The following SUMF1 variants were observed in gnomAD, a reference collection of about 807,000 sequenced individuals.
The protein encoded by SUMF1 is formylglycine-generating enzyme.
In SUMF1, 48 loss-of-function variants were observed where a neutral mutation model predicts 47.6. The observed-to-expected ratio is 1.01, with a 90% CI of 0.80 to 1.28. The LOEUF (loss-of-function observed/expected upper bound fraction) is 1.28, where lower values mean the gene tolerates loss of function less well. Among genes scored for constraint, SUMF1 ranks in the 50% most tolerant of loss-of-function variants. SUMF1 has a pLI of 0.00. For synonymous variants in SUMF1, 230 were observed against 192.1 expected, an observed-to-expected ratio of 1.20 and a Z score of -1.63; for missense variants, 571 against 485.4, an observed-to-expected ratio of 1.18 and a Z score of -1.66.
chr3:4,366,203 G>A (rs1182543201), intron 8 of SUMF1, among the ~76,000 whole-genome samples: 1 of 151,752 alleles, frequency 6.6e-6, no homozygotes, highest in Non-Finnish European at 1.5e-5. Context: ...TCTTGGAGTT[G>A]CTCTTCTCGA....
At chr3:4,121,913 G>A (rs1040089547) in intron 8 of SUMF1, among the ~76,000 whole-genome samples, 2 of 152,052 alleles carry the variant, frequency 1.3e-5, no homozygotes, top group African/African-American at 4.8e-5. Flanking sequence ...TCCCTTCTAT[G>A]TGTCCATGTG....
chr3:4,114,992 G>C (rs1693389154), intron 8 of SUMF1, among the ~76,000 whole-genome samples: 1 of 151,936 alleles, frequency 6.6e-6, no homozygotes, highest in South Asian at 2.1e-4. Context: ...ACGGAACTAG[G>C]TGAGGACAGG....
intron 8 of SUMF1, among the ~76,000 whole-genome samples, chr3:4,184,752 G>A (rs148482428): frequency 0.024 from 3,581 of 150,774 alleles, 246 homozygotes; most frequent in East Asian, 0.17. Context: ...GGGTTCAAGC[G>A]ATCCTCCTGC....
chr3:4,132,390 C>A (rs1693813203), intron 8 of SUMF1, among the ~76,000 whole-genome samples: 3 of 152,074 alleles, frequency 2.0e-5, no homozygotes, highest in South Asian at 4.1e-4. Context: ...TTTGAAGTCA[C>A]AATTACAATG....
At chr3:4,120,500 A>G (rs1484341245) in intron 8 of SUMF1, among the ~76,000 whole-genome samples, 1 of 152,150 alleles carries the variant, frequency 6.6e-6, no homozygotes, top group African/African-American at 2.4e-5. Flanking sequence ...TCTGACCTAA[A>G]ATACCATCTT....
At chr3:4,317,104 G>A (rs781494365) in intron 8 of SUMF1, 62 of 1,545,992 alleles carry the variant, frequency 4.0e-5, no homozygotes, top group Middle Eastern at 2.3e-4. Context: ...CAGGGAAAAC[G>A]CTTCCACAAC....
intron 8 of SUMF1, among the ~76,000 whole-genome samples, chr3:4,102,494 G>T (rs907318701): frequency 1.3e-5 from 2 of 152,120 alleles, no homozygotes; most frequent in East Asian, 3.9e-4. Flanking sequence ...TTAGTCAGTA[G>T]TGAGGGTAAA....
In SUMF1 at chr3:4,362,062, G is replaced by A; in HGVS notation, c.*82C>T. ...ACCTCAGGGTGGGAATTCTTTGCAT[G>A]GGATCGTTCAAAGTTCTGAGAAAAG... On this transcript the variant is annotated 3_prime_UTR_variant, in exon 9 of 9. Transcript: ENST00000272902. The A allele has an allele frequency of 7.4e-7, 1 of 1,355,400 alleles. No individual in the cohort carries two copies. Among genetic ancestry groups the A allele is most frequent in the Admixed American group, 1.7e-5 (1 of 57,796 alleles). 84.0% of individuals were successfully genotyped at this position (1,355,400 alleles called of 1,614,324 possible).
chr3:4,043,862 T>A (rs536044640), intron 9 of SUMF1, among the ~76,000 whole-genome samples: 1 of 152,232 alleles, frequency 6.6e-6, no homozygotes, highest in East Asian at 1.9e-4. Context: ...AGTTAAAAAA[T>A]TGACTACCCT....
chr3:4,311,887 G>A (rs1698419585), intron 8 of SUMF1, among the ~76,000 whole-genome samples: 1 of 152,216 alleles, frequency 6.6e-6, no homozygotes, highest in South Asian at 2.1e-4. Context: ...GGGTTCATGA[G>A]AGATACTTTA....
chr3:4,336,658 T>C (rs759198947), intron 8 of SUMF1, among the ~76,000 whole-genome samples: 4 of 152,244 alleles, frequency 2.6e-5, no homozygotes, highest in African/African-American at 9.6e-5. Flanking sequence ...GAAAAATATA[T>C]GATAATTTAT....
rs529250805 is a variant in SUMF1, at chr3:4,157,229, G to A, written c.1015-88484C>T. Among the ~76,000 whole-genome samples, 19 of 151,556 alleles carry A rather than the reference G, an allele frequency of 1.3e-4. 3 individuals are homozygous for A. Among genetic ancestry groups the A allele is most frequent in the African/African-American group, 3.7e-4 (15 of 40,920 alleles). On this transcript the variant is annotated intron_variant and NMD_transcript_variant, in intron 8 of 12. Coordinates refer to the SUMF1 transcript ENST00000448413. The stretch of plus-strand genomic sequence containing the variant: ...CCAATTCAGAATTCTTACTTCTCTA[G>A]CTCACTCACTGCTGGGCCAGTTTTT...
In SUMF1 at chr3:4,456,916, G is replaced by GTGTGTATATATA. The variant is rs1559312955; in HGVS notation, c.271-3868_271-3867insTATATATACACA. Among the ~76,000 whole-genome samples the GTGTGTATATATA allele has an allele frequency of 4.4e-4, 45 of 102,558 alleles. 3 individuals carry two copies. Among genetic ancestry groups the GTGTGTATATATA allele is most frequent in the Admixed American group, 9.7e-4 (9 of 9,238 alleles). 67.3% of individuals were successfully genotyped at this position (102,558 alleles called of 152,430 possible). On this transcript the variant is annotated intron_variant, in intron 1 of 8. Transcript: ENST00000272902. ...TATATGTGTGTGTATATCTATATAC[G>GTGTGTATATATA]TGTGTGTGTATATATATACGTGTGT...
chr3:4,105,665 C>T (rs1693141289), intron 8 of SUMF1, among the ~76,000 whole-genome samples: 2 of 152,098 alleles, frequency 1.3e-5, no homozygotes, highest in South Asian at 2.1e-4. Context: ...TCTGTCTCTT[C>T]ATTTGAATGT....
At chr3:4,050,678 G>A (rs554597533) in intron 9 of SUMF1, among the ~76,000 whole-genome samples, 1 of 149,874 alleles carries the variant, frequency 6.7e-6, no homozygotes, top group South Asian at 2.1e-4. Flanking sequence ...GGGAGGTGGA[G>A]GCTGCAGTGA....
At chr3:4,237,202 G>A (rs1256121406) in intron 8 of SUMF1, among the ~76,000 whole-genome samples, 1 of 152,070 alleles carries the variant, frequency 6.6e-6, no homozygotes. Context: ...ACAAGAAGCT[G>A]CCAAACTGTT....
At chr3:4,038,384 G>A (rs1051972662) in intron 9 of SUMF1, among the ~76,000 whole-genome samples, 2 of 152,152 alleles carry the variant, frequency 1.3e-5, no homozygotes, top group African/African-American at 4.8e-5. Flanking sequence ...ACTGCAGCTT[G>A]TTAGAGGTGT....
chr3:4,190,381 C>G lies in SUMF1; in HGVS notation c.1015-121636G>C, dbSNP rs186038798. On this transcript the variant is annotated intron_variant and NMD_transcript_variant, in intron 8 of 12. Transcript: ENST00000448413. ...CACATTACCACGTAGGCTTGCATTA[C>G]TATAAAGAGTACAGAAGCAAAAGAA... Among the ~76,000 whole-genome samples, 141 of 152,164 alleles carry G rather than the reference C, an allele frequency of 9.3e-4. 1 individual carries two copies. The highest frequency in any genetic ancestry group is 6.1e-3 in the Admixed American group (93 of 15,272).
intron 8 of SUMF1, among the ~76,000 whole-genome samples, chr3:4,214,773 C>T (rs376801520): frequency 2.7e-4 from 26 of 96,762 alleles, no homozygotes; most frequent in African/African-American, 5.6e-4. Context: ...AACACCTCTG[C>T]GAAAATAAGC....
Sources: allele counts gnomAD v4.1 joint callset (sites outside exome capture counted in the v4.1 genomes callset), GRCh38; gene constraint gnomAD v4.1.1; transcripts MANE v1.5; gene names NCBI Gene and HGNC (gene_info 2026-07-23, HGNC 2026-07-21).